The following KSR2 variants were observed in gnomAD, a reference collection of about 807,000 sequenced individuals.
KSR2 encodes kinase suppressor of ras 2.
Under a neutral mutation model 107.8 loss-of-function variants are expected in KSR2, and 25 were observed. The observed-to-expected ratio is 0.23, with a 90% CI of 0.17 to 0.32. The LOEUF (loss-of-function observed/expected upper bound fraction) is 0.32. KSR2 is among the 10% of genes least tolerant of loss of function. The pLI, the probability that KSR2 is intolerant of heterozygous loss-of-function variation, is 1.00. For missense variants in KSR2, 887 were observed against 1,268.9 expected (o/e 0.70, Z 4.57); for synonymous variants, 480 against 507.0 (o/e 0.95, Z 0.71).
chr12:117,775,902 T>C (rs970696281), intron 3 of KSR2, among the ~76,000 whole-genome samples: 6 of 152,022 alleles, frequency 3.9e-5, no homozygotes, highest in Non-Finnish European at 7.4e-5. Context: ...CGCAAAGGCA[T>C]AAAAATAATA....
chr12:117,777,730 A>G (rs1889745522), intron 3 of KSR2, among the ~76,000 whole-genome samples: 1 of 152,152 alleles, frequency 6.6e-6, no homozygotes, highest in Admixed American at 6.5e-5. Flanking sequence ...GCCTTGCAAT[A>G]AATAAATATT....
chr12:117,939,054 G>C (rs1016527438), intron 1 of KSR2, among the ~76,000 whole-genome samples: 1 of 151,932 alleles, frequency 6.6e-6, no homozygotes, highest in Non-Finnish European at 1.5e-5. Flanking sequence ...AAGACAGCGT[G>C]TAAGAATATT....
intron 16 of KSR2, among the ~76,000 whole-genome samples, chr12:117,477,199 C>A (rs535698315): frequency 5.9e-5 from 9 of 152,296 alleles, no homozygotes; most frequent in African/African-American, 2.2e-4. Context: ...CTCAAGGCTT[C>A]TCTGCATGAG....
chr12:117,582,436 A>AG (rs1879724965), intron 5 of KSR2, 77 bp from the exon 6 acceptor site: 1 of 1,091,164 alleles, frequency 9.2e-7, no homozygotes, highest in Non-Finnish European at 1.4e-6. Flanking sequence ...TGGAAGGAAA[A>AG]GGGGGGCTCG....
rs187957762 is a variant in KSR2, at chr12:117,920,740, G to A, written c.180+47336C>T. Among the ~76,000 whole-genome samples the A allele has an allele frequency of 5.4e-3, 819 of 152,210 alleles. 2 individuals carry two copies. Among genetic ancestry groups the A allele is most frequent in the Non-Finnish European group, 7.9e-3 (537 of 68,010 alleles). On this transcript the variant is annotated intron_variant, in intron 1 of 19. Transcript: ENST00000339824. ...CTTCTCTAAGTAAACTCAGTGCCTA[G>A]GGTAGAGCCAGTAGCTTCCCAGTGT...
At chr12:117,599,370 T>A (rs11068566) in intron 5 of KSR2, among the ~76,000 whole-genome samples, 48,483 of 152,034 alleles carry the variant, frequency 0.32, 7,994 homozygotes, top group African/African-American at 0.39. Flanking sequence ...AGGTTGTTAA[T>A]ACGTCAATTG....
chr12:117,908,181 T>C (rs563985792), intron 1 of KSR2, among the ~76,000 whole-genome samples: 107 of 151,966 alleles, frequency 7.0e-4, no homozygotes, highest in African/African-American at 2.5e-3. Flanking sequence ...TTATCACATA[T>C]CTCATATATC....
chr12:117,548,080 G>C, intron 9 of KSR2, among the ~76,000 whole-genome samples: 1 of 151,938 alleles, frequency 6.6e-6, no homozygotes, highest in Non-Finnish European at 1.5e-5. Context: ...CTGGGTGACA[G>C]TGAGACTCCA....
At chr12:117,725,084 T>TCTCTCACA (rs1468780403) in intron 4 of KSR2, among the ~76,000 whole-genome samples, 2 of 121,486 alleles carry the variant, frequency 1.6e-5, no homozygotes, top group African/African-American at 6.1e-5. Context: ...TCTCTCTCTC[T>TCTCTCACA]CACACACACA....
rs1593313923 is a variant in KSR2, at chr12:117,860,393, G to C, written c.219C>G (p.Cys73Trp). The C allele has an allele frequency of 6.2e-7, 1 of 1,612,536 alleles. No individual in the cohort carries two copies. Among genetic ancestry groups the C allele is most frequent in the Non-Finnish European group, 8.5e-7 (1 of 1,179,362 alleles). Residue 73 changes from cysteine to tryptophan, a missense_variant, in exon 2 of 20, where the codon TGC becomes TGG. Transcript: ENST00000339824. The stretch of plus-strand genomic sequence containing the variant: ...GCTCCTGCAAGGCTACCTTCTTTTT[G>C]CAGGACAGCTGCCGGCTGAAGTACT... Reference protein sequence around the residue: ...LVKYFSRQLSCKKKVALQERN... With the variant: ...LVKYFSRQLSWKKKVALQERN...
chr12:117,877,972 G>C (rs905158907), intron 1 of KSR2, among the ~76,000 whole-genome samples: 2 of 152,092 alleles, frequency 1.3e-5, no homozygotes, highest in African/African-American at 4.8e-5. Flanking sequence ...ATGAGAGATG[G>C]GTTCTTTATT....
chr12:117,483,018 C>G (rs879757422), intron 16 of KSR2, among the ~76,000 whole-genome samples: 3 of 152,244 alleles, frequency 2.0e-5, no homozygotes, highest in African/African-American at 7.2e-5. Context: ...AGGAACTTAA[C>G]TGCTGCTGGG....
At chr12:117,895,858 A>C (rs1282284183) in intron 1 of KSR2, among the ~76,000 whole-genome samples, 1 of 152,238 alleles carries the variant, frequency 6.6e-6, no homozygotes, top group African/African-American at 2.4e-5. Context: ...CAGGAGTTCA[A>C]GACCAGCCTG....
chr12:117,714,560 C>T (rs1426604366), intron 4 of KSR2, among the ~76,000 whole-genome samples: 1 of 152,118 alleles, frequency 6.6e-6, no homozygotes, highest in Non-Finnish European at 1.5e-5. Flanking sequence ...TTTGAAGCAA[C>T]GATTCTCTTC....
intron 4 of KSR2, among the ~76,000 whole-genome samples, chr12:117,691,484 G>T (rs1231442667): frequency 6.6e-6 from 1 of 152,168 alleles, no homozygotes; most frequent in African/African-American, 2.4e-5. Flanking sequence ...TGAGTTTCAA[G>T]CCATGTTCAG....
At chr12:117,713,000 C>T (rs950127479) in intron 4 of KSR2, among the ~76,000 whole-genome samples, 10 of 150,218 alleles carry the variant, frequency 6.7e-5, no homozygotes, top group African/African-American at 1.5e-4. Flanking sequence ...GATATAGATA[C>T]AGATGTATCT....
chr12:117,759,911 C>T lies in KSR2; in HGVS notation c.986+1100G>A, dbSNP rs528567147. Among the ~76,000 whole-genome samples the T allele has an allele frequency of 5.3e-5, 8 of 152,284 alleles. No homozygotes were observed. In the South Asian group the frequency reaches 1.7e-3, roughly 32 times the overall value. ...TCATTTGAGGTCAGAAGTTCAAGAC[C>T]AGTCTGGTCAACATGGTGAAACCCT... On this transcript the variant is annotated intron_variant, in intron 4 of 19. Transcript: ENST00000339824.
intron 14 of KSR2, among the ~76,000 whole-genome samples, chr12:117,506,195 A>G (rs1423334625): frequency 5.9e-5 from 9 of 152,218 alleles, no homozygotes; most frequent in Admixed American, 5.2e-4. Context: ...GTCGATACAC[A>G]TGTCACCAGT....
chr12:117,579,328 T>C, intron 6 of KSR2, 126 bp from the exon 7 acceptor site: 1 of 720,118 alleles, frequency 1.4e-6, no homozygotes, highest in Admixed American at 2.1e-5. Flanking sequence ...TTTCGAGCTG[T>C]GTGACTTAAT....
Sources: allele counts gnomAD v4.1 joint callset (sites outside exome capture counted in the v4.1 genomes callset), GRCh38; gene constraint gnomAD v4.1.1; transcripts MANE v1.5; gene names NCBI Gene and HGNC (gene_info 2026-07-23, HGNC 2026-07-21).